NRG2: variants seen among roughly 807,000 people sequenced by gnomAD.
The protein encoded by NRG2 is pro-neuregulin-2, membrane-bound isoform.
In NRG2, 27 loss-of-function variants were observed where a neutral mutation model predicts 73.9. That is an observed-to-expected ratio of 0.37 (90% confidence interval 0.27 to 0.50). The LOEUF is 0.50. NRG2 is among the 20% of genes least tolerant of loss of function. NRG2 has a pLI of 0.96. For synonymous variants in NRG2, 532 were observed against 541.0 expected (o/e 0.98, Z 0.23); for missense variants, 1,126 against 1,210.1 (o/e 0.93, Z 1.03).
intron 1 of NRG2, among the ~76,000 whole-genome samples, chr5:139,890,286 T>G (rs1764122507): frequency 6.6e-6 from 1 of 152,238 alleles, no homozygotes; most frequent in Admixed American, 6.5e-5. Context: ...CTTTTTGAAT[T>G]GCCTGTTCAT....
intron 1 of NRG2, among the ~76,000 whole-genome samples, chr5:139,990,369 C>T (rs1193068680): frequency 6.6e-6 from 1 of 151,808 alleles, no homozygotes; most frequent in Non-Finnish European, 1.5e-5. Flanking sequence ...GTGGCATGAT[C>T]TTGGCTTACT....
chr5:139,901,700 G>T (rs777961633), intron 1 of NRG2, among the ~76,000 whole-genome samples: 6 of 152,206 alleles, frequency 3.9e-5, no homozygotes, highest in Admixed American at 3.3e-4. Context: ...GGACACTCTG[G>T]TGAAGACCAA....
chr5:139,885,147 G>A (rs1330704926), intron 2 of NRG2, among the ~76,000 whole-genome samples: 1 of 152,202 alleles, frequency 6.6e-6, no homozygotes. Flanking sequence ...AAGCCATTGT[G>A]TCTGGATATG....
rs2126987729 is a variant in NRG2, at chr5:139,848,477, C to T, written c.1993G>A (p.Gly665Arg). ...CTGCGCTGCATGTCTGCGCCGGGCC[C>T]GGGCCCGGGCCCGGGTCCGGGTCCC... is the stretch of plus-strand genomic sequence containing the variant. ...GPGPGPGPGP[G>R]PGADMQRSYD... Residue 665 changes from glycine to arginine, a missense_variant, in exon 10 of 10, where the codon GGG becomes AGG. Gly to Arg is a moderately radical substitution (Grantham distance 125). Coordinates refer to ENST00000361474, the MANE Select transcript of NRG2 (RefSeq NM_004883.3). The T allele has an allele frequency of 7.5e-7, 1 of 1,335,428 alleles. No individual in the cohort carries two copies. The highest frequency in any genetic ancestry group is 9.5e-7 in the Non-Finnish European group (1 of 1,058,114). 82.7% of individuals were successfully genotyped at this position (1,335,428 alleles called of 1,614,324 possible).
At chr5:139,995,606 A>C (rs1233612113) in intron 1 of NRG2, among the ~76,000 whole-genome samples, 2 of 152,192 alleles carry the variant, frequency 1.3e-5, no homozygotes, top group African/African-American at 2.4e-5. Context: ...ACTTGTCTTC[A>C]GAAACTGAGG....
rs1001942072 is a variant in NRG2, at chr5:139,904,231, TGC to T, written c.701-16722_701-16721del. On this transcript the variant is annotated intron_variant, in intron 1 of 9. Coordinates refer to ENST00000361474, the MANE Select transcript of NRG2 (RefSeq NM_004883.3). This position sits in a 1 kb window ranked among gnomAD's most constrained non-coding sequence, Gnocchi z 6.0. Reference sequence around the variant, plus strand: ...TAGCGCAGCCTAGACTCACCCGCGCTGCGCTGGGGGCGGGTGAGCGGGCGGCA... The same window carrying T: ...TAGCGCAGCCTAGACTCACCCGCGCTGCTGGGGGCGGGTGAGCGGGCGGCA... 12 of 1,488,972 alleles carry T rather than the reference TGC, an allele frequency of 8.1e-6. No individual in the cohort carries two copies. The highest frequency in any genetic ancestry group is 1.1e-5 in the Non-Finnish European group (12 of 1,115,708). 92.2% of individuals were successfully genotyped at this position (1,488,972 alleles called of 1,614,324 possible).
At chr5:139,993,993 T>C (rs2126602635) in intron 1 of NRG2, among the ~76,000 whole-genome samples, 1 of 152,232 alleles carries the variant, frequency 6.6e-6, no homozygotes, top group East Asian at 1.9e-4. Flanking sequence ...GCACATATTG[T>C]GTTTACTATA....
chr5:140,029,500 A>C (rs1760962704), intron 1 of NRG2, among the ~76,000 whole-genome samples: 1 of 152,076 alleles, frequency 6.6e-6, no homozygotes, highest in Non-Finnish European at 1.5e-5. Flanking sequence ...GGGAAACCTG[A>C]GGCACAAAGA....
intron 1 of NRG2, among the ~76,000 whole-genome samples, chr5:139,907,394 C>T (rs1483493585): frequency 2.6e-5 from 4 of 152,142 alleles, no homozygotes; most frequent in African/African-American, 7.2e-5. Context: ...TTTCCACCTC[C>T]GTCTCTTCCA....
At position 140,002,992 on chromosome 5, in the gene NRG2, G is replaced by C. The variant is rs1237183249; in HGVS notation, c.700+39378C>G. 4.6e-5 allele frequency among the ~76,000 whole-genome samples: 7 copies of C among 152,306 alleles called. No homozygotes were observed. The South Asian group carries it at 8.3e-4, about 18-fold the overall frequency. On this transcript the variant is annotated intron_variant, in intron 1 of 9. Transcript: ENST00000361474. ...TCCAAGATTTTTGACCTGAATAACT[G>C]GTCTTAACATTTTTTGAACTGGGGA...
chr5:140,023,904 CAA>C (rs1299115141), intron 1 of NRG2, among the ~76,000 whole-genome samples: 3 of 152,146 alleles, frequency 2.0e-5, no homozygotes, highest in African/African-American at 7.2e-5. Context: ...TCGGGAATAT[CAA>C]AGAGACCAAG....
intron 1 of NRG2, among the ~76,000 whole-genome samples, chr5:139,939,396 T>C (rs1753217152): frequency 6.6e-6 from 1 of 152,034 alleles, no homozygotes; most frequent in Non-Finnish European, 1.5e-5. Flanking sequence ...TGCCTCAGTC[T>C]CCTGCATAGC....
intron 5 of NRG2, among the ~76,000 whole-genome samples, chr5:139,861,332 G>C (rs574191320): frequency 6.6e-6 from 1 of 152,162 alleles, no homozygotes; most frequent in Non-Finnish European, 1.5e-5. Flanking sequence ...AGGCGAGCAC[G>C]TGGCAATCCG....
chr5:140,011,074 A>G (rs1211792006), intron 1 of NRG2, among the ~76,000 whole-genome samples: 2 of 152,236 alleles, frequency 1.3e-5, no homozygotes, highest in African/African-American at 4.8e-5. Flanking sequence ...GCTTTCTTAT[A>G]TAAGCCTTCA....
At chr5:139,936,103 T>C (rs1327467055) in intron 1 of NRG2, among the ~76,000 whole-genome samples, 2 of 151,354 alleles carry the variant, frequency 1.3e-5, no homozygotes, top group East Asian at 3.9e-4. Context: ...ATCAGTGAAA[T>C]AAGCTCCCAC....
In NRG2 at chr5:139,865,439, A is replaced by G. The variant is rs1298937146; in HGVS notation, c.1189+110T>C. The stretch of plus-strand genomic sequence containing the variant: ...AAAGAAAAGAGAAACAAAACAAAAC[A>G]GCCAAAGATCAAAACAACCAACACC... On this transcript the variant is annotated intron_variant, in intron 5 of 9. Coordinates refer to ENST00000361474, the MANE Select transcript of NRG2 (RefSeq NM_004883.3). This position sits in a 1 kb window ranked among gnomAD's most constrained non-coding sequence, Gnocchi z 5.2. 1.2e-6 allele frequency: 1 copy of G among 817,658 alleles called. No homozygotes were observed. Among genetic ancestry groups the G allele is most frequent in the African/African-American group, 1.7e-5 (1 of 57,738 alleles). 50.7% of individuals were successfully genotyped at this position (817,658 alleles called of 1,614,324 possible).
Position 139,856,078 on chromosome 5 carries a change from G to A in NRG2, c.1190-300C>T, listed in dbSNP as rs908627728. On this transcript the variant is annotated intron_variant, in intron 5 of 9. Transcript: ENST00000361474. This position sits in a 1 kb window ranked among gnomAD's most constrained non-coding sequence, Gnocchi z 4.2. ...AGTGGAAAATGCAGGGGAATGGGAA[G>A]GGATGGAGTGGAGGCAAAGCTCCCG... 13 of 408,994 alleles carry A rather than the reference G, an allele frequency of 3.2e-5. No individual in the cohort carries two copies. Among genetic ancestry groups the A allele is most frequent in the Non-Finnish European group, 5.4e-5 (12 of 220,572 alleles). The allele number at this position is 408,994 out of a possible 1,614,324, so 25.3% of individuals were successfully genotyped here.
At chr5:139,918,386 A>G (rs1751422160) in intron 1 of NRG2, among the ~76,000 whole-genome samples, 1 of 152,216 alleles carries the variant, frequency 6.6e-6, no homozygotes, top group African/African-American at 2.4e-5. Context: ...AGTAGCTTTT[A>G]GCTTTTTTAG....
At chr5:139,896,806 C>T (rs1764571604) in intron 1 of NRG2, among the ~76,000 whole-genome samples, 4 of 152,140 alleles carry the variant, frequency 2.6e-5, no homozygotes, top group Admixed American at 2.0e-4. Flanking sequence ...CCCCCCAGTA[C>T]CATGACATGA....
Sources: allele counts gnomAD v4.1 joint callset (sites outside exome capture counted in the v4.1 genomes callset), GRCh38; gene constraint gnomAD v4.1.1; non-coding constraint Gnocchi (gnomAD v3.1); transcripts MANE v1.5; gene names NCBI Gene and HGNC (gene_info 2026-07-23, HGNC 2026-07-21).